Variants in EEFSEC observed in about 807,000 individuals in gnomAD.
EEFSEC encodes eukaryotic elongation factor, selenocysteine-tRNA specific, also known as selenocysteine-specific elongation factor.
Under a neutral mutation model 42.1 loss-of-function variants are expected in EEFSEC, and 43 were observed. The ratio of observed to expected loss-of-function variants is 1.02; its 90% CI spans 0.80 to 1.32. The LOEUF (loss-of-function observed/expected upper bound fraction) is 1.32, where lower values mean the gene tolerates loss of function less well. Among genes scored for constraint, EEFSEC ranks in the 40% most tolerant of loss-of-function variants. The pLI, the probability that EEFSEC is intolerant of heterozygous loss-of-function variation, is 0.00. For synonymous variants in EEFSEC, 354 were observed against 339.1 expected (o/e 1.04, Z -0.48); for missense variants, 745 against 803.6 (o/e 0.93, Z 0.88).
intron 6 of EEFSEC, among the ~76,000 whole-genome samples, chr3:128,384,738 T>G (rs1213240663): frequency 1.3e-5 from 2 of 152,184 alleles, no homozygotes; most frequent in African/African-American, 4.8e-5. Flanking sequence ...TTAACTTCAT[T>G]CAGCCGCTGT....
chr3:128,297,787 CT>C (rs1192577163), intron 4 of EEFSEC, among the ~76,000 whole-genome samples: 1 of 152,174 alleles, frequency 6.6e-6, no homozygotes, highest in Non-Finnish European at 1.5e-5. Context: ...AAATTAGGCA[CT>C]TTTTTGCCTA....
chr3:128,414,311 C>T, the EEFSEC span, among the ~76,000 whole-genome samples: 2 of 152,228 alleles, frequency 1.3e-5, no homozygotes, highest in East Asian at 3.8e-4. Flanking sequence ...CCACCCTGGG[C>T]CTGCCCCCAT....
chr3:128,174,066 T>A (rs955612587), intron 1 of EEFSEC, among the ~76,000 whole-genome samples: 2 of 152,202 alleles, frequency 1.3e-5, no homozygotes, highest in Non-Finnish European at 2.9e-5. Flanking sequence ...AGAAAAGCTA[T>A]TTCTGCCACC....
intron 4 of EEFSEC, among the ~76,000 whole-genome samples, chr3:128,276,410 A>G (rs2066468643): frequency 6.6e-6 from 1 of 152,146 alleles, no homozygotes; most frequent in Non-Finnish European, 1.5e-5. Flanking sequence ...TGGACTCTGA[A>G]GTTAGACAAA....
chr3:128,220,594 G>A (rs1269219058), intron 1 of EEFSEC, among the ~76,000 whole-genome samples: 1 of 152,156 alleles, frequency 6.6e-6, no homozygotes, highest in Non-Finnish European at 1.5e-5. Context: ...CATGCAAGAA[G>A]CCTCCTGTGC....
chr3:128,200,339 A>T (rs1478227311), intron 1 of EEFSEC, among the ~76,000 whole-genome samples: 1 of 151,790 alleles, frequency 6.6e-6, no homozygotes, highest in Admixed American at 6.6e-5. Flanking sequence ...CCCAGGCTGG[A>T]GTGCAATGGC....
At chr3:128,388,611 G>C (rs192394074) in intron 6 of EEFSEC, among the ~76,000 whole-genome samples, 1 of 152,240 alleles carries the variant, frequency 6.6e-6, no homozygotes, top group African/African-American at 2.4e-5. Context: ...AGTTTGCTGA[G>C]TGAGGCCACT....
At chr3:128,308,258 G>A (rs1423760598) in intron 4 of EEFSEC, among the ~76,000 whole-genome samples, 2 of 152,212 alleles carry the variant, frequency 1.3e-5, no homozygotes, top group Non-Finnish European at 2.9e-5. Context: ...ACTCAGACTG[G>A]AAGAGCCAAG....
At chr3:128,262,315 GA>G in intron 3 of EEFSEC, 91 bp downstream of exon 3, 7 of 1,194,846 alleles carry the variant, frequency 5.9e-6, no homozygotes, top group Non-Finnish European at 6.1e-6. Context: ...GAGAGAAAGA[GA>G]GGCAGCCCTA....
chr3:128,202,821 A>C (rs539839667), intron 1 of EEFSEC, among the ~76,000 whole-genome samples: 19 of 152,182 alleles, frequency 1.2e-4, no homozygotes, highest in Non-Finnish European at 2.6e-4. Context: ...GTGTTGAGGA[A>C]ATTCCTCCTG....
At chr3:128,319,241 G>A (rs1163714824) in intron 4 of EEFSEC, among the ~76,000 whole-genome samples, 1 of 152,162 alleles carries the variant, frequency 6.6e-6, no homozygotes, top group African/African-American at 2.4e-5. Flanking sequence ...GCCAGCGGGC[G>A]GGAGCCAGCT....
chr3:128,167,388 A>G (rs1210889880), intron 1 of EEFSEC, among the ~76,000 whole-genome samples: 3 of 152,266 alleles, frequency 2.0e-5, no homozygotes, highest in Non-Finnish European at 2.9e-5. Flanking sequence ...ATCGGAATGA[A>G]TGAATGAATG....
intron 1 of EEFSEC, among the ~76,000 whole-genome samples, chr3:128,194,085 A>G (rs191653171): frequency 1.5e-4 from 23 of 152,300 alleles, no homozygotes; most frequent in African/African-American, 4.1e-4. Flanking sequence ...CACTTACCCA[A>G]TATTCCTGGT....
At chr3:128,416,843 G>A in the EEFSEC span, among the ~76,000 whole-genome samples, 1 of 152,272 alleles carries the variant, frequency 6.6e-6, no homozygotes, top group Admixed American at 6.5e-5. Context: ...ATGGGTTCCT[G>A]CTGGCCCCAT....
chr3:128,340,381 A>G lies in EEFSEC; in HGVS notation c.787-852A>G, dbSNP rs548153136. Among the ~76,000 whole-genome samples, 6 of 149,878 alleles carry G rather than the reference A, an allele frequency of 4.0e-5. No homozygotes were observed. In the South Asian group the frequency reaches 1.3e-3, roughly 31 times the overall value. On this transcript the variant is annotated intron_variant, in intron 4 of 6. Coordinates refer to ENST00000254730, the MANE Select transcript of EEFSEC (RefSeq NM_021937.5). The stretch of plus-strand genomic sequence containing the variant: ...ATGTAGATTAATATTATATAATTAT[A>G]TTAATATATATTTGCATGCATGTAA...
At position 128,282,854 on chromosome 3, in the gene EEFSEC, G is replaced by A. The variant is rs574479702; in HGVS notation, c.786+18073G>A. 2.6e-5 allele frequency among the ~76,000 whole-genome samples: 4 copies of A among 152,324 alleles called. No individual in the cohort carries two copies. In the South Asian group the frequency reaches 8.3e-4, roughly 32 times the overall value. On this transcript the variant is annotated intron_variant, in intron 4 of 6. Transcript: ENST00000254730. ...CTTCCTTCTCTGTGACTGATCTCCC[G>A]ACTTCACAGGCTTTGTGCCAGGCTG...
At chr3:128,222,213 A>C (rs2065868726) in intron 1 of EEFSEC, among the ~76,000 whole-genome samples, 1 of 152,014 alleles carries the variant, frequency 6.6e-6, no homozygotes, top group Non-Finnish European at 1.5e-5. Context: ...TTTGTATATT[A>C]GTAGAGATGG....
chr3:128,314,770 CA>C lies in EEFSEC; in HGVS notation c.787-26458del, dbSNP rs2066926946. ...ACACCCCCACCCACCATGTGACGAC[CA>C]AAAATGTATCCAGGTCCAGACATTG... On this transcript the variant is annotated intron_variant, in intron 4 of 6. Transcript: ENST00000254730. Among the ~76,000 whole-genome samples the C allele has an allele frequency of 4.6e-5, 7 of 152,330 alleles. No homozygotes were observed. In the South Asian group the frequency reaches 1.5e-3, roughly 32 times the overall value.
intron 1 of EEFSEC, among the ~76,000 whole-genome samples, chr3:128,225,796 C>T (rs982257498): frequency 1.3e-5 from 2 of 152,148 alleles, no homozygotes; most frequent in African/African-American, 4.8e-5. Context: ...TGAGAGGACA[C>T]CAGCTCTGAG....
Sources: allele counts gnomAD v4.1 joint callset (sites outside exome capture counted in the v4.1 genomes callset), GRCh38; gene constraint gnomAD v4.1.1; transcripts MANE v1.5; gene names NCBI Gene and HGNC (gene_info 2026-07-23, HGNC 2026-07-21).